The following WDR72 variants were observed in gnomAD, a reference collection of about 807,000 sequenced individuals.
WDR72 encodes WD repeat domain 72, also known as WD repeat-containing protein 72.
A neutral mutation model predicts 124.2 loss-of-function variants in WDR72; 120 were observed. The observed-to-expected ratio is 0.97, with a 90% confidence interval of 0.83 to 1.12. The LOEUF (loss-of-function observed/expected upper bound fraction) is 1.12, where lower values mean the gene tolerates loss of function less well. WDR72 is among the 50% of genes most tolerant of loss of function. WDR72 has a pLI of 0.00. For synonymous variants in WDR72, 452 were observed against 441.7 expected (o/e 1.02, Z -0.29); for missense variants, 1,387 against 1,278.8 (o/e 1.08, Z -1.29).
intron 1 of WDR72, among the ~76,000 whole-genome samples, chr15:53,735,594 T>G (rs999328988): frequency 6.6e-6 from 1 of 152,174 alleles, no homozygotes; most frequent in Non-Finnish European, 1.5e-5. Flanking sequence ...CAATTATACT[T>G]CAATAAAGTT....
rs558317023 is a variant in WDR72 at position 53,673,377 on chromosome 15, A to C, written c.1766-7609T>G. The stretch of plus-strand genomic sequence containing the variant: ...AATCCATCTGCAAATGATCAAGAGG[A>C]AATTAAGACTAAACAACATCACCCA... On this transcript the variant is annotated intron_variant, in intron 13 of 19. Transcript: ENST00000360509. 2.0e-5 allele frequency among the ~76,000 whole-genome samples: 3 copies of C among 152,332 alleles called. No individual in the cohort carries two copies. The South Asian group carries it at 6.2e-4, about 32-fold the overall frequency.
Position 53,644,770 on chromosome 15 carries a change from T to C in WDR72, c.1962+20802A>G, listed in dbSNP as rs138270660. On this transcript the variant is annotated intron_variant, in intron 14 of 19. Coordinates refer to ENST00000360509, the MANE Select transcript of WDR72 (RefSeq NM_182758.4). ...ACGGGTCGGGTGGAGAGCAGCATGA[T>C]TGGCAGGGCAAATAGAAGACAAAGG... is the stretch of plus-strand genomic sequence containing the variant. Among the ~76,000 whole-genome samples, 726 of 152,168 alleles carry C rather than the reference T, an allele frequency of 4.8e-3. 5 individuals carry two copies. The highest frequency in any genetic ancestry group is 0.017 in the African/African-American group (695 of 41,522).
intron 3 of WDR72, among the ~76,000 whole-genome samples, chr15:53,717,306 G>A (rs1340965963): frequency 6.6e-6 from 1 of 152,116 alleles, no homozygotes; most frequent in African/African-American, 2.4e-5. Context: ...TAGTTTATAT[G>A]ACTTCACAAA....
intron 19 of WDR72, among the ~76,000 whole-genome samples, chr15:53,520,191 T>C (rs960122824): frequency 6.6e-6 from 1 of 152,126 alleles, no homozygotes; most frequent in Non-Finnish European, 1.5e-5. Context: ...TTATGTGGAA[T>C]GAACAATATA....
intron 18 of WDR72, among the ~76,000 whole-genome samples, chr15:53,571,024 C>T (rs568671952): frequency 1.9e-4 from 29 of 152,060 alleles, no homozygotes; most frequent in Non-Finnish European, 2.8e-4. Context: ...GAGCCAAATA[C>T]TACAAATTAA....
intron 18 of WDR72, among the ~76,000 whole-genome samples, chr15:53,565,759 C>A (rs955000379): frequency 1.1e-5 from 1 of 92,466 alleles, no homozygotes; most frequent in Non-Finnish European, 2.5e-5. Flanking sequence ...TGTGCACATA[C>A]GTTGAATTAA....
At chr15:53,521,769 T>TGACA (rs1198939611) in intron 19 of WDR72, among the ~76,000 whole-genome samples, 1 of 152,046 alleles carries the variant, frequency 6.6e-6, no homozygotes, top group Non-Finnish European at 1.5e-5. Flanking sequence ...TTTACCTGTC[T>TGACA]GACAAAATGA....
chr15:53,717,191 C>T (rs150378935), intron 3 of WDR72, among the ~76,000 whole-genome samples: 6 of 152,060 alleles, frequency 3.9e-5, no homozygotes, highest in African/African-American at 1.4e-4. Flanking sequence ...TAAAATCATC[C>T]TTGCCACTTA....
upstream of WDR72, chr15:53,762,851 G>A: frequency 6.6e-6 from 1 of 152,276 alleles, no homozygotes; most frequent in East Asian, 1.9e-4. Flanking sequence ...CCCACAAAAT[G>A]GGGGCAGAGA....
intron 18 of WDR72, among the ~76,000 whole-genome samples, chr15:53,580,240 T>C (rs16966232): frequency 0.096 from 14,600 of 152,052 alleles, 876 homozygotes; most frequent in African/African-American, 0.16. Context: ...AAGCCTAAAA[T>C]CTAAAACGAA....
chr15:53,601,253 C>T (rs2013031916), intron 17 of WDR72, among the ~76,000 whole-genome samples: 1 of 152,010 alleles, frequency 6.6e-6, no homozygotes, highest in African/African-American at 2.4e-5. Flanking sequence ...CATATCTAGC[C>T]TAACTAAGCT....
At chr15:53,704,844 G>A in intron 11 of WDR72, 144 bp downstream of exon 11, 1 of 730,936 alleles carries the variant, frequency 1.4e-6, no homozygotes, top group Non-Finnish European at 2.1e-6. Flanking sequence ...CTATATGTAT[G>A]TTTTACTTTA....
intron 13 of WDR72, among the ~76,000 whole-genome samples, chr15:53,691,225 AT>A (rs986188977): frequency 6.6e-6 from 1 of 151,958 alleles, no homozygotes; most frequent in African/African-American, 2.4e-5. Context: ...AATTTTTTAA[AT>A]TTTTTATAGA....
chr15:53,568,066 T>G (rs962005051), intron 18 of WDR72, among the ~76,000 whole-genome samples: 1 of 56,672 alleles, frequency 1.8e-5, no homozygotes, highest in Non-Finnish European at 3.4e-5. Flanking sequence ...AGGCATTTTT[T>G]GTCTTGTTTT....
intron 18 of WDR72, among the ~76,000 whole-genome samples, chr15:53,531,236 T>C (rs1204487422): frequency 2.0e-5 from 3 of 152,034 alleles, no homozygotes; most frequent in Non-Finnish European, 2.9e-5. Flanking sequence ...TAAAAACATA[T>C]TGAGATTGAA....
chr15:53,582,397 T>A (rs926731914), intron 18 of WDR72, among the ~76,000 whole-genome samples: 3 of 151,946 alleles, frequency 2.0e-5, no homozygotes, highest in Non-Finnish European at 4.4e-5. Flanking sequence ...TGGAATCCTA[T>A]CCTTCATAAT....
At chr15:53,668,467 T>C (rs2015854231) in intron 13 of WDR72, among the ~76,000 whole-genome samples, 1 of 152,242 alleles carries the variant, frequency 6.6e-6, no homozygotes, top group Non-Finnish European at 1.5e-5. Flanking sequence ...ATCAATTTAT[T>C]ACCTCTTAGA....
At chr15:53,614,870 C>T (rs2013690633) in intron 15 of WDR72, among the ~76,000 whole-genome samples, 1 of 152,022 alleles carries the variant, frequency 6.6e-6, no homozygotes, top group Non-Finnish European at 1.5e-5. Context: ...ACAGTTATTA[C>T]TAAACTGTAC....
intron 13 of WDR72, among the ~76,000 whole-genome samples, chr15:53,691,038 T>C (rs910682059): frequency 3.3e-5 from 5 of 152,128 alleles, no homozygotes; most frequent in African/African-American, 1.2e-4. Flanking sequence ...TTGATTTGCA[T>C]TTCCCTGAAG....
Sources: gnomAD v4.1 joint callset for allele counts (sites outside exome capture counted in the v4.1 genomes callset) on GRCh38, gnomAD v4.1.1 for gene constraint, MANE v1.5 for transcripts, NCBI Gene and HGNC (gene_info 2026-07-23, HGNC 2026-07-21) for gene names.